The following PKHD1 variants were observed in gnomAD, a reference collection of about 807,000 sequenced individuals.
The protein encoded by PKHD1 is fibrocystin.
In PKHD1, 291 loss-of-function variants were observed where a neutral mutation model predicts 412.0. The observed-to-expected ratio is 0.71, with a 90% CI of 0.64 to 0.78. PKHD1 has a LOEUF of 0.78. PKHD1 is among the 30% of genes least tolerant of loss of function. PKHD1 has a pLI of 0.00. For synonymous variants in PKHD1, 1,777 were observed against 1,821.5 expected (o/e 0.98, Z 0.62); for missense variants, 4,825 against 4,950.7 (o/e 0.97, Z 0.76).
At chr6:51,892,621 T>C (rs917510818) in intron 43 of PKHD1, among the ~76,000 whole-genome samples, 1 of 152,182 alleles carries the variant, frequency 6.6e-6, no homozygotes, top group African/African-American at 2.4e-5. Context: ...CCCACACTCA[T>C]TTTCCAGTAT....
At chr6:51,671,016 A>G (rs1286525579) in intron 60 of PKHD1, among the ~76,000 whole-genome samples, 1 of 151,888 alleles carries the variant, frequency 6.6e-6, no homozygotes, top group Non-Finnish European at 1.5e-5. Flanking sequence ...GAATCTGACA[A>G]TTATGTGTCT....
intron 52 of PKHD1, among the ~76,000 whole-genome samples, chr6:51,791,695 C>T (rs1424052099): frequency 2.0e-5 from 3 of 152,212 alleles, no homozygotes; most frequent in Non-Finnish European, 2.9e-5. Context: ...CCTGTCTCTT[C>T]ACTTTTGGCT....
intron 52 of PKHD1, among the ~76,000 whole-genome samples, chr6:51,803,800 G>A (rs1763283515): frequency 6.6e-6 from 1 of 151,364 alleles, no homozygotes; most frequent in African/African-American, 2.5e-5. Context: ...TCCGCCACCT[G>A]GGTTCAAGCA....
intron 35 of PKHD1, among the ~76,000 whole-genome samples, chr6:52,007,233 T>C (rs1283845247): frequency 6.6e-6 from 1 of 152,242 alleles, no homozygotes; most frequent in Non-Finnish European, 1.5e-5. Context: ...GATCAAATGG[T>C]AGTCTACTTT....
intron 27 of PKHD1, 138 bp from the exon 28 acceptor site, chr6:52,035,859 A>G (rs956929083): frequency 2.0e-5 from 17 of 840,020 alleles, no homozygotes; most frequent in Non-Finnish European, 3.4e-5. Context: ...AAACTGCAGG[A>G]AAAAAACTGG....
intron 52 of PKHD1, among the ~76,000 whole-genome samples, chr6:51,824,808 C>A (rs1013001751): frequency 6.6e-6 from 1 of 152,104 alleles, no homozygotes; most frequent in Non-Finnish European, 1.5e-5. Flanking sequence ...GCTCTGGTCA[C>A]ACATGTAAAG....
intron 35 of PKHD1, among the ~76,000 whole-genome samples, chr6:51,971,617 G>T (rs1325573153): frequency 1.3e-5 from 2 of 152,186 alleles, no homozygotes; most frequent in African/African-American, 4.8e-5. Context: ...CTGAAGAAAT[G>T]AAAACTTTCT....
chr6:51,700,589 A>G (rs1188354364), intron 60 of PKHD1, among the ~76,000 whole-genome samples: 3 of 152,060 alleles, frequency 2.0e-5, no homozygotes, highest in Admixed American at 1.3e-4. Context: ...AGCTCAGACT[A>G]CTAGTTTACT....
intron 53 of PKHD1, among the ~76,000 whole-genome samples, chr6:51,791,031 C>T (rs551743974): frequency 1.3e-5 from 2 of 152,222 alleles, no homozygotes; most frequent in East Asian, 1.9e-4. Context: ...TGATAGTACA[C>T]GGGCATGAAA....
intron 43 of PKHD1, among the ~76,000 whole-genome samples, chr6:51,891,771 T>C (rs1418624104): frequency 1.2e-4 from 18 of 150,004 alleles, no homozygotes; most frequent in Non-Finnish European, 3.0e-5. Flanking sequence ...AAAGACAGTA[T>C]GGGGGAGAAA....
chr6:51,805,428 A>G (rs1315810344), intron 52 of PKHD1, among the ~76,000 whole-genome samples: 1 of 152,202 alleles, frequency 6.6e-6, no homozygotes, highest in African/African-American at 2.4e-5. Context: ...ATTGGGTGCT[A>G]TGCTCACTAC....
intron 52 of PKHD1, among the ~76,000 whole-genome samples, chr6:51,818,416 CAT>C (rs1476321762): frequency 6.6e-6 from 1 of 151,480 alleles, no homozygotes; most frequent in East Asian, 1.9e-4. Context: ...TTTCCTCCCA[CAT>C]GTTTAAATAG....
intron 4 of PKHD1, among the ~76,000 whole-genome samples, 186 bp downstream of exon 4, chr6:52,082,206 T>A (rs1046017243): frequency 6.6e-6 from 1 of 152,170 alleles, no homozygotes; most frequent in African/African-American, 2.4e-5. Flanking sequence ...CATACTCTCA[T>A]CCTCCGTTAA....
Position 51,791,320 on chromosome 6 carries a change from T to A in PKHD1, c.8356A>T (p.Met2786Leu). ...DLPFFKGLYVMGTLDFPVDRS... is the reference protein window; with the variant it reads ...DLPFFKGLYVLGTLDFPVDRS... ...TCCACAGGGAAGTCTAAGGTCCCCA[T>A]CACATACAGCCCTTTGAAGAATGGA... The change falls in exon 53 of 67, where the codon ATG becomes TTG. Residue 2786 changes from methionine (M) to leucine (L), a missense_variant. By Grantham distance (15) the Met-to-Leu change is conservative. Transcript: ENST00000371117. The A allele has an allele frequency of 1.2e-6, 2 of 1,613,388 alleles. No individual in the cohort carries two copies. Among genetic ancestry groups the A allele is most frequent in the African/African-American group, 1.3e-5 (1 of 75,008 alleles).
intron 59 of PKHD1, among the ~76,000 whole-genome samples, chr6:51,745,611 G>T (rs1785091524): frequency 1.3e-5 from 2 of 152,116 alleles, no homozygotes; most frequent in Non-Finnish European, 2.9e-5. Flanking sequence ...GGCTGAGGCG[G>T]GAGGATCACT....
intron 61 of PKHD1, among the ~76,000 whole-genome samples, chr6:51,649,926 A>G (rs1770666543): frequency 6.6e-6 from 1 of 152,204 alleles, no homozygotes; most frequent in Non-Finnish European, 1.5e-5. Context: ...CTGAGCACAT[A>G]CTATATACCA....
rs550028210 is a variant in PKHD1 at position 51,901,833 on chromosome 6, T to G, written c.6996+1764A>C. On this transcript the variant is annotated intron_variant, in intron 43 of 66. Transcript: ENST00000371117. ...TTTTTTTCTAATTTTGTAAAGCAGATACAAGAGTAAGAAAGTAAATGAAGG... is the reference window on the plus strand; with the variant it reads ...TTTTTTTCTAATTTTGTAAAGCAGAGACAAGAGTAAGAAAGTAAATGAAGG... Among the ~76,000 whole-genome samples the G allele has an allele frequency of 3.3e-3, 498 of 152,172 alleles. 1 individual carries two copies. Among genetic ancestry groups the G allele is most frequent in the African/African-American group, 0.011 (477 of 41,494 alleles).
In PKHD1 at chr6:51,754,825, T is replaced by C. The variant is rs1261569248; in HGVS notation, c.8756A>G (p.His2919Arg). The C allele has an allele frequency of 2.5e-6, 4 of 1,613,526 alleles. No individual in the cohort carries two copies. Among genetic ancestry groups the C allele is most frequent in the Admixed American group, 1.7e-5 (1 of 59,950 alleles). ...GAGCCGTTCATAGATCCTCACATGG[T>C]GGCCCTTGACTTCTTTCACAGTGAG... ...EVLTVKEVKG[H>R]HVRIYERLKH... The change falls in exon 56 of 67, where the codon CAC (histidine) becomes CGC (arginine). Residue 2919 changes from histidine to arginine, a missense_variant. By Grantham distance (29) the His-to-Arg change is conservative. Coordinates refer to ENST00000371117, the MANE Select transcript of PKHD1 (RefSeq NM_138694.4).
At chr6:51,901,527 G>C (rs181448390) in intron 43 of PKHD1, among the ~76,000 whole-genome samples, 2 of 152,004 alleles carry the variant, frequency 1.3e-5, no homozygotes, top group South Asian at 2.1e-4. Context: ...TTGTGGGGTG[G>C]GGGGAGTGGG....
Sources: allele counts gnomAD v4.1 joint callset (sites outside exome capture counted in the v4.1 genomes callset), GRCh38; gene constraint gnomAD v4.1.1; transcripts MANE v1.5; gene names NCBI Gene and HGNC (gene_info 2026-07-23, HGNC 2026-07-21).